The following ASCC3 variants were observed in gnomAD, a reference collection of about 807,000 sequenced individuals.
ASCC3 encodes ASC-1 complex subunit P200.
ASCC3 carries 158 observed loss-of-function variants against 256.3 expected under a neutral mutation model. The observed-to-expected ratio is 0.62, with a 90% CI of 0.54 to 0.70. The LOEUF is 0.70. Ranked by LOEUF, ASCC3 falls within the 30% of genes least tolerant of loss-of-function variation. The pLI, the probability that ASCC3 is intolerant of heterozygous loss-of-function variation, is 0.00. For missense variants in ASCC3, 2,259 were observed against 2,626.0 expected, an observed-to-expected ratio of 0.86 and a Z score of 3.05; for synonymous variants, 948 against 883.4, an observed-to-expected ratio of 1.07 and a Z score of -1.30.
chr6:100,697,511 A>G (rs891816543), intron 13 of ASCC3, among the ~76,000 whole-genome samples: 19 of 151,840 alleles, frequency 1.3e-4, no homozygotes, highest in African/African-American at 4.1e-4. Flanking sequence ...CTAATTTTAT[A>G]TAAGTTCCTT....
At chr6:100,622,957 C>T (rs2099644400) in intron 30 of ASCC3, among the ~76,000 whole-genome samples, 1 of 152,028 alleles carries the variant, frequency 6.6e-6, no homozygotes, top group South Asian at 2.1e-4. Flanking sequence ...TGTCTATATA[C>T]TTTAAGCAAA....
chr6:100,643,639 C>A (rs1187394667), intron 23 of ASCC3, among the ~76,000 whole-genome samples: 1 of 152,112 alleles, frequency 6.6e-6, no homozygotes, highest in Non-Finnish European at 1.5e-5. Context: ...TGTTACCATA[C>A]AGCATGTTAT....
At chr6:100,735,500 G>C (rs900715705) in intron 10 of ASCC3, among the ~76,000 whole-genome samples, 1 of 151,622 alleles carries the variant, frequency 6.6e-6, no homozygotes, top group Admixed American at 6.6e-5. Context: ...TATGTGAAGA[G>C]TCCATTCAGT....
Position 100,589,655 on chromosome 6 carries a change from T to C in ASCC3, c.5529A>G (p.Glu1843=). ...TCACACTTAGAATTGAAAGCAGTTCTTCAGTACTGCATTCAGGCTTCAAGC... is the reference window on the plus strand; with the variant it reads ...TCACACTTAGAATTGAAAGCAGTTCCTCAGTACTGCATTCAGGCTTCAAGC... ...KDRLKPECST[E]ELLSILSDAE... The change falls in exon 36 of 42, where the codon GAA becomes GAG. Residue 1843 remains glutamate (E), a synonymous_variant. Transcript: ENST00000369162. The C allele has an allele frequency of 1.2e-6, 2 of 1,613,634 alleles. No individual in the cohort carries two copies. Among genetic ancestry groups the C allele is most frequent in the Middle Eastern group, 1.7e-4 (1 of 6,052 alleles).
At chr6:100,590,132 G>C in intron 34 of ASCC3, 73 bp from the exon 35 acceptor site, 3 of 970,422 alleles carry the variant, frequency 3.1e-6, no homozygotes, top group Non-Finnish European at 3.3e-6. Flanking sequence ...CAGTTTCACA[G>C]AATATATATA....
chr6:100,630,031 C>A (rs556145173), intron 26 of ASCC3, among the ~76,000 whole-genome samples: 2 of 151,902 alleles, frequency 1.3e-5, no homozygotes, highest in East Asian at 1.9e-4. Context: ...GCTGGGATTA[C>A]AGGCATGCAC....
Position 100,606,874 on chromosome 6 carries a change from T to C in ASCC3, c.4924-14A>G, listed in dbSNP as rs1471703486. 11 of 1,609,100 alleles carry C rather than the reference T, an allele frequency of 6.8e-6. No individual in the cohort carries two copies. The highest frequency in any genetic ancestry group is 1.3e-5 in the African/African-American group (1 of 74,596). ...AGCAATAAGAACCTAAAAAGCAAAA[T>C]AAAATATCTTATATCTAAGTAAAAT... On this transcript the variant is annotated splice_polypyrimidine_tract_variant and intron_variant, in intron 31 of 41. Transcript: ENST00000369162.
chr6:100,731,899 T>C (rs1385178997), intron 10 of ASCC3, among the ~76,000 whole-genome samples: 1 of 152,094 alleles, frequency 6.6e-6, no homozygotes, highest in East Asian at 1.9e-4. Flanking sequence ...TGGTGGCTCA[T>C]GCCTGTAATC....
intron 3 of ASCC3, among the ~76,000 whole-genome samples, chr6:100,850,090 G>A (rs1772585691): frequency 2.3e-5 from 2 of 86,528 alleles, no homozygotes; most frequent in Non-Finnish European, 2.2e-5. Context: ...ACAGAATTGA[G>A]ACTCTATCAA....
intron 10 of ASCC3, among the ~76,000 whole-genome samples, chr6:100,753,011 A>T (rs1459392481): frequency 2.0e-5 from 3 of 152,116 alleles, no homozygotes; most frequent in African/African-American, 7.2e-5. Flanking sequence ...GGCCCCTTTC[A>T]GAGCACAGAC....
chr6:100,805,766 G>A lies in ASCC3; in HGVS notation c.916C>T (p.Leu306Phe). The stretch of plus-strand genomic sequence containing the variant: ...CCACTGCATACTTTCTTACCTTGAA[G>A]AGCCTGAAACCTATGATCATTTGAA... ...NSSNDHRFQA[L>F]QDNCKKILGE... is the part of the protein sequence containing the mutation. Residue 306 changes from leucine to phenylalanine, a missense_variant, in exon 5 of 42, where the codon CTT becomes TTT. By Grantham distance (22) the Leu-to-Phe change is conservative. This residue lies in a region of ASCC3 where 420 missense variants were observed against 419.3 expected (regional missense o/e 1.00). Coordinates refer to ENST00000369162, the MANE Select transcript of ASCC3 (RefSeq NM_006828.4). 6.2e-7 allele frequency: 1 copy of A among 1,610,536 alleles called. No homozygotes were observed. The highest frequency in any genetic ancestry group is 8.5e-7 in the Non-Finnish European group (1 of 1,178,412).
chr6:100,517,734 T>TA (rs1317098889), intron 38 of ASCC3, among the ~76,000 whole-genome samples: 2 of 152,134 alleles, frequency 1.3e-5, no homozygotes, highest in African/African-American at 2.4e-5. Flanking sequence ...CACATTAACA[T>TA]AAAAATGTTT....
intron 10 of ASCC3, among the ~76,000 whole-genome samples, chr6:100,747,130 T>C (rs1456580580): frequency 8.2e-6 from 1 of 122,072 alleles, no homozygotes; most frequent in Non-Finnish European, 1.7e-5. Flanking sequence ...AGAAAACATA[T>C]AGTTGCAAAA....
intron 5 of ASCC3, among the ~76,000 whole-genome samples, chr6:100,804,448 C>G (rs1392124563): frequency 6.6e-6 from 1 of 151,926 alleles, no homozygotes; most frequent in Non-Finnish European, 1.5e-5. Context: ...AGAAGCTCTT[C>G]AGTTTAATTA....
intron 11 of ASCC3, among the ~76,000 whole-genome samples, chr6:100,723,888 A>ATATATATATG (rs1554220118): frequency 1.2e-4 from 14 of 112,916 alleles, no homozygotes; most frequent in African/African-American, 4.6e-4. Context: ...ATATATATAT[A>ATATATATATG]TATATATATT....
At chr6:100,774,428 C>T (rs914299772) in intron 8 of ASCC3, among the ~76,000 whole-genome samples, 3 of 151,986 alleles carry the variant, frequency 2.0e-5, no homozygotes, top group Non-Finnish European at 4.4e-5. Context: ...TGCAATGGCA[C>T]TATCTTGGCT....
At chr6:100,638,033 T>C (rs962318515) in intron 25 of ASCC3, among the ~76,000 whole-genome samples, 26 of 152,116 alleles carry the variant, frequency 1.7e-4, no homozygotes, top group African/African-American at 6.3e-4. Flanking sequence ...CTATCGTGGG[T>C]AAAATGCTAT....
At chr6:100,519,948 T>C (rs2114618314) in intron 37 of ASCC3, among the ~76,000 whole-genome samples, 1 of 152,252 alleles carries the variant, frequency 6.6e-6, no homozygotes, top group Non-Finnish European at 1.5e-5. Context: ...TGTTTAAATT[T>C]AGAGAAAAGG....
At chr6:100,655,368 A>T (rs1163209979) in intron 17 of ASCC3, among the ~76,000 whole-genome samples, 1 of 151,904 alleles carries the variant, frequency 6.6e-6, no homozygotes, top group African/African-American at 2.4e-5. Flanking sequence ...TATGGTCTAT[A>T]AGTTTCCTCA....
Sources: gnomAD v4.1 joint callset for allele counts (sites outside exome capture counted in the v4.1 genomes callset) on GRCh38, gnomAD v4.1.1 for gene constraint, gnomAD v4.1.1 regional missense constraint, MANE v1.5 for transcripts, NCBI Gene and HGNC (gene_info 2026-07-23, HGNC 2026-07-21) for gene names.